The following XG variants were observed in gnomAD, a reference collection of about 807,000 sequenced individuals.
XG encodes the protein Xg glycoprotein (Xg blood group), also known as glycoprotein Xg.
In XG, 24 loss-of-function variants were observed where a neutral mutation model predicts 25.7. The ratio of observed to expected loss-of-function variants is 0.93; its 90% CI spans 0.68 to 1.31. The LOEUF (loss-of-function observed/expected upper bound fraction) is 1.31. Ranked by LOEUF, XG falls within the 40% of genes most tolerant of loss-of-function variation. The probability of loss-of-function intolerance (pLI) is 0.00; values close to 1 mark genes in which losing one functional copy is unlikely to be tolerated. For missense variants in XG, 181 were observed against 187.6 expected, an observed-to-expected ratio of 0.96 and a Z score of 0.21; for synonymous variants, 77 against 69.2, an observed-to-expected ratio of 1.11 and a Z score of -0.56.
chrX:2,797,470 GT>G (rs1333132283), intron 7 of XG, 110 bp downstream of exon 7: 1 of 861,864 alleles, frequency 1.2e-6, no homozygotes, highest in African/African-American at 2.0e-5. Flanking sequence ...TCTTTGGTGA[GT>G]AGGGTGCTGT....
chrX:2,770,492 A>G (rs2050793752), intron 1 of XG, 58 bp from the exon 2 acceptor site: 2 of 1,605,632 alleles, frequency 1.2e-6, no homozygotes, highest in East Asian at 4.5e-5. Flanking sequence ...GGTGAGGAAC[A>G]AGGGGGATTC....
chrX:2,808,269 C>T (rs2147095261), intron 9 of XG, 49 bp downstream of exon 9: 1 of 1,186,342 alleles, frequency 8.4e-7, no homozygotes, highest in Admixed American at 2.2e-5. Context: ...AGCACACTCT[C>T]CTAGATCAGT....
intron 1 of XG, among the ~76,000 whole-genome samples, chrX:2,768,979 T>A (rs1388359069): frequency 6.6e-6 from 1 of 152,104 alleles, no homozygotes; most frequent in Non-Finnish European, 1.5e-5. Flanking sequence ...GCTCCCAGCC[T>A]CCAGTCTGGG....
rs191052945 is a variant in XG at position 2,792,270 on chromosome X, T to C, written c.254-2265T>C. Among the ~76,000 whole-genome samples the C allele has an allele frequency of 5.8e-3, 642 of 111,404 alleles. 6 individuals are homozygous for C. The highest frequency in any genetic ancestry group is 0.019 in the African/African-American group (570 of 30,645). ...TCATGCCATTGCACTCCAGCCTGGG[T>C]GACAGAACGAGACTCCATCTCAAAA... On this transcript the variant is annotated intron_variant, in intron 5 of 10. Coordinates refer to ENST00000644266, the MANE Select transcript of XG (RefSeq NM_001141919.2).
In XG at chrX:2,773,021, A is replaced by T. The variant is rs1440151815; in HGVS notation, c.104-1695A>T. ...TGTGAGTGTATCACTATTTTAAAAA[A>T]TAGTTATAATTTTACATTTTAAAAA... is the stretch of plus-strand genomic sequence containing the variant. On this transcript the variant is annotated intron_variant, in intron 2 of 10. Coordinates refer to ENST00000644266, the MANE Select transcript of XG (RefSeq NM_001141919.2). Among the ~76,000 whole-genome samples the T allele has an allele frequency of 4.3e-5, 6 of 140,726 alleles. No homozygotes were observed. The East Asian group carries it at 1.5e-3, about 36-fold the overall frequency. The allele number at this position is 140,726 out of a possible 152,430, so 92.3% of individuals were successfully genotyped here.
In XG at chrX:2,811,481, T is replaced by G. The variant is rs761603944; in HGVS notation, c.571+29T>G. 2.8e-5 allele frequency: 30 copies of G among 1,083,455 alleles called. No homozygotes were observed. The East Asian group carries it at 8.2e-4, about 30-fold the overall frequency. The allele number at this position is 1,083,455 out of a possible 1,213,427, so 89.3% of individuals were successfully genotyped here. A position where few individuals can be genotyped will look rare whatever the true frequency, so the allele number is the denominator to read the frequency against. Reference sequence around the variant, plus strand: ...AGTTTGGCTCTAAACATTGTTTTGCTTGTTACTAAGCCTGATTTAAAAAAA... The same window carrying G: ...AGTTTGGCTCTAAACATTGTTTTGCGTGTTACTAAGCCTGATTTAAAAAAA... On this transcript the variant is annotated intron_variant, in intron 10 of 10. Transcript: ENST00000644266.
At chrX:2,800,568 A>G (rs901144255) in intron 7 of XG, among the ~76,000 whole-genome samples, 4 of 112,528 alleles carry the variant, frequency 3.6e-5, no homozygotes, top group African/African-American at 1.3e-4. Context: ...TCGACTGTCC[A>G]CTTCAAAGGA....
intron 3 of XG, among the ~76,000 whole-genome samples, chrX:2,775,192 C>T (rs774699921): frequency 3.3e-5 from 5 of 152,132 alleles, no homozygotes; most frequent in Admixed American, 1.3e-4. Flanking sequence ...CAGAGCAGCA[C>T]TATTCATTAT....
intron 4 of XG, 103 bp downstream of exon 4, chrX:2,782,231 T>C (rs2086736719): frequency 2.2e-6 from 2 of 905,380 alleles, no homozygotes; most frequent in Admixed American, 2.4e-5. Context: ...AATATGTGTG[T>C]AATAGCTCCC....
chrX:2,773,931 C>G (rs2050911572), intron 2 of XG, among the ~76,000 whole-genome samples: 1 of 152,070 alleles, frequency 6.6e-6, no homozygotes, highest in African/African-American at 2.4e-5. Context: ...AAATACAGGA[C>G]ATGCGAAACC....
intron 1 of XG, chrX:2,753,048 A>G (rs931761012): frequency 1.2e-6 from 1 of 848,664 alleles, no homozygotes; most frequent in East Asian, 1.2e-4. Flanking sequence ...AGAAGGGAAC[A>G]CCTGGGCGCA....
intron 4 of XG, 141 bp downstream of exon 4, chrX:2,782,269 C>A: frequency 1.5e-6 from 1 of 682,473 alleles, no homozygotes; most frequent in Non-Finnish European, 2.2e-6. Context: ...TCTTTCCTCA[C>A]TGGGGGGAGC....
At chrX:2,777,401 A>C (rs1056350833) in intron 3 of XG, among the ~76,000 whole-genome samples, 3 of 151,902 alleles carry the variant, frequency 2.0e-5, no homozygotes, top group Non-Finnish European at 4.4e-5. Flanking sequence ...TGAAGAATAA[A>C]ATTAAATACA....
intron 1 of XG, among the ~76,000 whole-genome samples, chrX:2,758,765 A>G (rs1438169382): frequency 2.0e-4 from 30 of 152,064 alleles, no homozygotes; most frequent in Non-Finnish European, 2.4e-4. Context: ...GAATGATCCA[A>G]CCTCATATGT....
At position 2,807,051 on chromosome X, in the gene XG, G is replaced by A. The variant is rs147333376; in HGVS notation, c.418+306G>A. On this transcript the variant is annotated intron_variant, in intron 8 of 10. Coordinates refer to ENST00000644266, the MANE Select transcript of XG (RefSeq NM_001141919.2). ...AGGTATGCTTGTGTGTATTGTGTGT[G>A]CATGCATGTGTACATGTGCATGTGG... Among the ~76,000 whole-genome samples, 917 of 112,988 alleles carry A rather than the reference G, an allele frequency of 8.1e-3. 9 individuals are homozygous for A. Among genetic ancestry groups the A allele is most frequent in the African/African-American group, 0.028 (866 of 31,147 alleles).
At chrX:2,774,607 T>A (rs2050933682) in intron 2 of XG, 109 bp from the exon 3 acceptor site, 14 of 1,218,088 alleles carry the variant, frequency 1.1e-5, no homozygotes, top group South Asian at 1.1e-4. Context: ...TTACTTTGTA[T>A]GGCTTTGTCA....
chrX:2,763,161 T>C (rs1353380208), intron 1 of XG, among the ~76,000 whole-genome samples: 3 of 149,890 alleles, frequency 2.0e-5, no homozygotes, highest in Non-Finnish European at 3.0e-5. Context: ...GGACTACAGG[T>C]GCACACCACC....
rs1381492118 is a variant in XG at position 2,752,526 on chromosome X, C to A, written c.61+191C>A. On this transcript the variant is annotated intron_variant, in intron 1 of 10. Transcript: ENST00000644266. ...AAGACGGGCTGCTCCCATTTGGAAT[C>A]TGGGAATTAGATCCAGAAGGGCAGG... Among the ~76,000 whole-genome samples, 9 of 152,256 alleles carry A rather than the reference C, an allele frequency of 5.9e-5. No individual in the cohort carries two copies. The South Asian group carries it at 1.4e-3, about 25-fold the overall frequency.
chrX:2,804,804 T>C (rs1603457913), intron 7 of XG, among the ~76,000 whole-genome samples: 1 of 111,630 alleles, frequency 9.0e-6, no homozygotes, highest in East Asian at 2.8e-4. Flanking sequence ...CAAAGCTTAC[T>C]GGTCAGGGGG....
Sources: gnomAD v4.1 joint callset for allele counts (sites outside exome capture counted in the v4.1 genomes callset) on GRCh38, gnomAD v4.1.1 for gene constraint, MANE v1.5 for transcripts, NCBI Gene and HGNC (gene_info 2026-07-23, HGNC 2026-07-21) for gene names.